NHLRC2: variants seen among roughly 807,000 people sequenced by gnomAD.
NHLRC2 encodes NHL repeat containing 2, also known as NHL repeat-containing protein 2.
In NHLRC2, 33 loss-of-function variants were observed where a neutral mutation model predicts 68.1. That is an observed-to-expected ratio of 0.48 (90% CI 0.37 to 0.65). NHLRC2 has a LOEUF of 0.65. Among genes scored for constraint, NHLRC2 ranks in the 30% least tolerant of loss-of-function variants. NHLRC2 has a pLI of 0.00. For synonymous variants in NHLRC2, 311 were observed against 309.6 expected (o/e 1.00, Z -0.05); for missense variants, 761 against 853.8 (o/e 0.89, Z 1.35).
At chr10:113,894,758 C>T (rs114422210) in intron 5 of NHLRC2, among the ~76,000 whole-genome samples, 372 of 152,076 alleles carry the variant, frequency 2.4e-3, no homozygotes, top group African/African-American at 8.6e-3. Flanking sequence ...TCCTAGTTTG[C>T]TGAGTTTTTA....
chr10:113,908,715 C>G lies in NHLRC2; in HGVS notation c.*179C>G. On this transcript the variant is annotated 3_prime_UTR_variant, in exon 11 of 11. Coordinates refer to ENST00000369301, the MANE Select transcript of NHLRC2 (RefSeq NM_198514.4). ...CCTTACTTACTTCTTTTATTATAAA[C>G]AAATTCCTTTGCTTTGGCTGATACT... 1 of 615,864 alleles carries G rather than the reference C, an allele frequency of 1.6e-6. No homozygotes were observed. The highest frequency in any genetic ancestry group is 3.0e-5 in the Admixed American group (1 of 33,554). 38.1% of individuals were successfully genotyped at this position (615,864 alleles called of 1,614,324 possible). A position where few individuals can be genotyped will look rare whatever the true frequency, so the allele number is the denominator to read the frequency against.
At chr10:113,904,194 G>A (rs1409523224) in intron 9 of NHLRC2, among the ~76,000 whole-genome samples, 2 of 150,060 alleles carry the variant, frequency 1.3e-5, no homozygotes, top group African/African-American at 4.9e-5. Context: ...AGCTTTAGAA[G>A]CCACTTTCTC....
intron 3 of NHLRC2, among the ~76,000 whole-genome samples, chr10:113,877,215 G>T (rs1406234976): frequency 6.6e-6 from 1 of 150,406 alleles, no homozygotes; most frequent in Non-Finnish European, 1.5e-5. Flanking sequence ...AGAGGAAATA[G>T]TTCAGCTTTT....
chr10:113,876,926 A>T lies in NHLRC2; in HGVS notation c.737A>T (p.His246Leu). The T allele has an allele frequency of 6.2e-7, 1 of 1,605,732 alleles. No homozygotes were observed. ...DRLVIADTGHHRILVVWKNGQ... is the reference protein window; with the variant it reads ...DRLVIADTGHLRILVVWKNGQ... ...TTGGTAATAGCAGACACTGGACATC[A>T]TAGAATTTTGGTCGTTTGGAAGAAT... is the stretch of plus-strand genomic sequence containing the variant. The change falls in exon 3 of 11, where the codon CAT becomes CTT. Residue 246 changes from histidine (H) to leucine (L), a missense_variant. His to Leu is a moderately conservative substitution (Grantham distance 99). Coordinates refer to ENST00000369301, the MANE Select transcript of NHLRC2 (RefSeq NM_198514.4).
chr10:113,854,669 T>G lies in NHLRC2; in HGVS notation c.-204T>G, dbSNP rs1436243735. 1 of 545,628 alleles carries G rather than the reference T, an allele frequency of 1.8e-6. No homozygotes were observed. The highest frequency in any genetic ancestry group is 3.2e-6 in the Non-Finnish European group (1 of 309,000). 33.8% of individuals were successfully genotyped at this position (545,628 alleles called of 1,614,324 possible). A position where few individuals can be genotyped will look rare whatever the true frequency, so the allele number is the denominator to read the frequency against. ...GGGGTGGGTCGGACGGCAGTTTAAT[T>G]ACGTCCCCGGGAACTGCGCCGATTT... On this transcript the variant is annotated 5_prime_UTR_variant, in exon 1 of 11. In the 5' UTR this introduces an upstream ATG that the reference lacks. Coordinates refer to ENST00000369301, the MANE Select transcript of NHLRC2 (RefSeq NM_198514.4).
chr10:113,866,600 T>C (rs1443111533), intron 2 of NHLRC2, among the ~76,000 whole-genome samples: 1 of 152,138 alleles, frequency 6.6e-6, no homozygotes, highest in Non-Finnish European at 1.5e-5. Flanking sequence ...TATTATCATA[T>C]AGTATATGCT....
intron 2 of NHLRC2, among the ~76,000 whole-genome samples, chr10:113,862,254 A>C (rs1845823015): frequency 6.6e-6 from 1 of 152,128 alleles, no homozygotes; most frequent in Non-Finnish European, 1.5e-5. Context: ...TAATGTACAA[A>C]GATGTAATTT....
intron 5 of NHLRC2, among the ~76,000 whole-genome samples, chr10:113,894,801 G>C (rs2134728312): frequency 6.6e-6 from 1 of 152,100 alleles, no homozygotes; most frequent in East Asian, 1.9e-4. Flanking sequence ...GATGTTGAAA[G>C]GCTTTATTGT....
chr10:113,907,720 A>G (rs1476137099), intron 10 of NHLRC2, among the ~76,000 whole-genome samples: 2 of 152,240 alleles, frequency 1.3e-5, no homozygotes, highest in East Asian at 1.9e-4. Context: ...CCCACAGAGA[A>G]TAGATATGCA....
At chr10:113,862,087 C>T (rs1845821120) in intron 2 of NHLRC2, among the ~76,000 whole-genome samples, 2 of 152,048 alleles carry the variant, frequency 1.3e-5, no homozygotes, top group African/African-American at 4.8e-5. Flanking sequence ...GTTGGCCAGG[C>T]TAGTCTTGAA....
intron 6 of NHLRC2, among the ~76,000 whole-genome samples, chr10:113,899,918 A>T (rs1846213393): frequency 7.1e-6 from 1 of 140,972 alleles, no homozygotes; most frequent in Non-Finnish European, 1.5e-5. Context: ...GACTCCGTTT[A>T]AAAAAAAAAA....
chr10:113,904,943 G>A lies in NHLRC2; in HGVS notation c.1831G>A (p.Gly611Ser). Residue 611 changes from glycine to serine, a missense_variant, in exon 10 of 11, where the codon GGC becomes AGC. By Grantham distance (56) the Gly-to-Ser change is moderately conservative. Transcript: ENST00000369301. ...IRLSPVTACA[G>S]QTLQFKLRLD... ...GCTTTCCCCCGTGACTGCGTGTGCT[G>A]GCCAGACTCTTCAGTTCAAACTCAG... 1 of 1,592,736 alleles carries A rather than the reference G, an allele frequency of 6.3e-7. No individual in the cohort carries two copies. The highest frequency in any genetic ancestry group is 8.5e-7 in the Non-Finnish European group (1 of 1,172,012).
intron 3 of NHLRC2, among the ~76,000 whole-genome samples, chr10:113,877,820 A>G (rs1200017191): frequency 6.6e-6 from 1 of 152,206 alleles, no homozygotes; most frequent in Non-Finnish European, 1.5e-5. Flanking sequence ...TATTCTTAAT[A>G]TACCAAGATA....
At chr10:113,875,408 A>T (rs911690279) in intron 2 of NHLRC2, among the ~76,000 whole-genome samples, 1 of 152,114 alleles carries the variant, frequency 6.6e-6, no homozygotes, top group African/African-American at 2.4e-5. Flanking sequence ...CACCTTCCCC[A>T]GCTGTTCTCC....
chr10:113,859,547 A>G (rs995756393), intron 2 of NHLRC2, among the ~76,000 whole-genome samples: 6 of 152,186 alleles, frequency 3.9e-5, no homozygotes, highest in Non-Finnish European at 7.4e-5. Flanking sequence ...ATGCTTTTGA[A>G]TTGTAATACA....
At position 113,902,422 on chromosome 10, in the gene NHLRC2, G is replaced by A. The variant is rs778279109; in HGVS notation, c.1372-49G>A. 4 of 1,282,292 alleles carry A rather than the reference G, an allele frequency of 3.1e-6. No individual in the cohort carries two copies. In the South Asian group the frequency reaches 4.3e-5, roughly 14 times the overall value. 79.4% of individuals were successfully genotyped at this position (1,282,292 alleles called of 1,614,324 possible). On this transcript the variant is annotated intron_variant, in intron 7 of 10. Coordinates refer to ENST00000369301, the MANE Select transcript of NHLRC2 (RefSeq NM_198514.4). ...TTCCTTCATATTCTAACAAAACACTGTAAAAATTATAATAACTGCTGTTTC... is the reference window on the plus strand; with the variant it reads ...TTCCTTCATATTCTAACAAAACACTATAAAAATTATAATAACTGCTGTTTC...
At chr10:113,878,861 A>T (rs1846010329) in intron 3 of NHLRC2, among the ~76,000 whole-genome samples, 1 of 151,976 alleles carries the variant, frequency 6.6e-6, no homozygotes, top group Non-Finnish European at 1.5e-5. Context: ...CTGTTACACT[A>T]CCTTTTTATG....
intron 5 of NHLRC2, among the ~76,000 whole-genome samples, chr10:113,885,070 G>A (rs546193231): frequency 8.6e-5 from 13 of 151,724 alleles, no homozygotes; most frequent in Admixed American, 2.6e-4. Context: ...AGAATATGTC[G>A]AAAATGTAAT....
intron 4 of NHLRC2, among the ~76,000 whole-genome samples, chr10:113,881,403 A>AT (rs1273236241): frequency 2.0e-5 from 3 of 151,726 alleles, no homozygotes; most frequent in Non-Finnish European, 4.4e-5. Flanking sequence ...GGAAAGTGGA[A>AT]TTTTTTCCTT....
Sources: gnomAD v4.1 joint callset for allele counts (sites outside exome capture counted in the v4.1 genomes callset) on GRCh38, gnomAD v4.1.1 for gene constraint, MANE v1.5 for transcripts, NCBI Gene and HGNC (gene_info 2026-07-23, HGNC 2026-07-21) for gene names.